The following LARGE1 variants were observed in gnomAD, a reference collection of about 807,000 sequenced individuals.
LARGE1 encodes the protein xylosyl- and glucuronyltransferase LARGE1.
In LARGE1, 43 loss-of-function variants were observed where a neutral mutation model predicts 87.6. That is an observed-to-expected ratio of 0.49 (90% CI 0.38 to 0.63). The LOEUF (loss-of-function observed/expected upper bound fraction) is 0.63. Among genes scored for constraint, LARGE1 ranks in the 30% least tolerant of loss-of-function variants. The probability of loss-of-function intolerance (pLI) is 0.00; values close to 1 mark genes in which losing one functional copy is unlikely to be tolerated. For synonymous variants in LARGE1, 434 were observed against 394.6 expected (o/e 1.10, Z -1.18); for missense variants, 802 against 1,000.2 (o/e 0.80, Z 2.67).
At chr22:33,765,182 T>G (rs1239433094) in intron 1 of LARGE1, among the ~76,000 whole-genome samples, 2 of 151,976 alleles carry the variant, frequency 1.3e-5, no homozygotes, top group African/African-American at 4.8e-5. Flanking sequence ...CTAGAGAGAT[T>G]AATTAACTGG....
chr22:33,461,516 TG>T (rs879695667), intron 6 of LARGE1, among the ~76,000 whole-genome samples: 57 of 151,112 alleles, frequency 3.8e-4, no homozygotes, highest in Non-Finnish European at 4.7e-4. Flanking sequence ...TGTCATGGGG[TG>T]GGGGAAGGAT....
intron 10 of LARGE1, among the ~76,000 whole-genome samples, chr22:33,328,624 A>G (rs1262293897): frequency 1.3e-5 from 2 of 151,240 alleles, no homozygotes; most frequent in African/African-American, 4.8e-5. Flanking sequence ...AAACAAATAA[A>G]TAATAAAAAA....
intron 4 of LARGE1, among the ~76,000 whole-genome samples, chr22:33,606,916 C>T (rs376158392): frequency 1.3e-5 from 2 of 152,144 alleles, no homozygotes; most frequent in African/African-American, 4.8e-5. Flanking sequence ...CCCAGCCATA[C>T]GTACCGGCCT....
intron 1 of LARGE1, among the ~76,000 whole-genome samples, chr22:33,763,848 T>C (rs2084812682): frequency 1.2e-5 from 1 of 81,198 alleles, no homozygotes; most frequent in Non-Finnish European, 2.7e-5. Flanking sequence ...CTTTTTTTTT[T>C]TTTTTTTTTT....
chr22:33,842,755 A>G (rs567392388), intron 1 of LARGE1, among the ~76,000 whole-genome samples: 10 of 152,284 alleles, frequency 6.6e-5, no homozygotes, highest in African/African-American at 2.2e-4. Context: ...AGACTAAGGA[A>G]CTGTATTTTT....
intron 13 of LARGE1, among the ~76,000 whole-genome samples, chr22:33,277,709 C>T (rs1929612692): frequency 6.6e-6 from 1 of 152,182 alleles, no homozygotes; most frequent in African/African-American, 2.4e-5. Context: ...GACTTCCGGC[C>T]TCCAGAATTG....
chr22:33,774,157 A>G (rs1044492176), intron 1 of LARGE1, among the ~76,000 whole-genome samples: 3 of 152,150 alleles, frequency 2.0e-5, no homozygotes, highest in African/African-American at 7.2e-5. Flanking sequence ...TGAAGGGACC[A>G]TATCCATTTT....
rs138913908 is a variant in LARGE1, at chr22:33,521,449, G to T, written c.787+43399C>A. ...CTCTCATCCTCCAACAGGCTAGCCC[G>T]GGTTTGTTCACAACAGGGCAGACAG... On this transcript the variant is annotated intron_variant, in intron 6 of 14. Coordinates refer to ENST00000397394, the MANE Select transcript of LARGE1 (RefSeq NM_133642.5). Among the ~76,000 whole-genome samples the T allele has an allele frequency of 5.9e-3, 898 of 152,322 alleles. 12 individuals are homozygous for T. Among genetic ancestry groups the T allele is most frequent in the African/African-American group, 0.021 (853 of 41,582 alleles).
intron 11 of LARGE1, among the ~76,000 whole-genome samples, chr22:33,230,168 C>T (rs571589931): frequency 1.1e-4 from 16 of 151,930 alleles, no homozygotes; most frequent in Admixed American, 2.6e-4. Flanking sequence ...TGCACCACCA[C>T]GCCCAGCTAA....
At chr22:33,738,761 T>A (rs182733115) in intron 2 of LARGE1, among the ~76,000 whole-genome samples, 1 of 149,318 alleles carries the variant, frequency 6.7e-6, no homozygotes, top group African/African-American at 2.5e-5. Context: ...CAGAGAGTGG[T>A]GTGAACCTAG....
intron 6 of LARGE1, among the ~76,000 whole-genome samples, chr22:33,435,039 C>T (rs943688322): frequency 1.4e-4 from 21 of 152,110 alleles, no homozygotes; most frequent in African/African-American, 3.9e-4. Context: ...CTTGCTCTGT[C>T]GCCCAGGCTG....
At chr22:33,102,633 G>T in the LARGE1 span, among the ~76,000 whole-genome samples, 1 of 152,140 alleles carries the variant, frequency 6.6e-6, no homozygotes, top group Non-Finnish European at 1.5e-5. Flanking sequence ...GGGATCACAG[G>T]TGCCTGCCAC....
intron 6 of LARGE1, among the ~76,000 whole-genome samples, chr22:33,477,471 C>T (rs528090157): frequency 1.3e-5 from 2 of 152,278 alleles, no homozygotes; most frequent in South Asian, 4.1e-4. Flanking sequence ...ATGTGTCAAT[C>T]TGTATTCCAA....
At chr22:33,719,830 A>G (rs2083039783) in intron 2 of LARGE1, among the ~76,000 whole-genome samples, 1 of 152,076 alleles carries the variant, frequency 6.6e-6, no homozygotes, top group Non-Finnish European at 1.5e-5. Flanking sequence ...CATCTATACC[A>G]TATTTTTACT....
Position 33,749,568 on chromosome 22 carries a change from A to G in LARGE1, c.106+11803T>C, listed in dbSNP as rs147051012. On this transcript the variant is annotated intron_variant, in intron 2 of 14. Coordinates refer to ENST00000397394, the MANE Select transcript of LARGE1 (RefSeq NM_133642.5). Reference sequence around the variant, plus strand: ...TCCCCCAACCATCAACATTTGCCCTATAAAAAGTCCTTCTGTAATTTTCAA... The same window carrying G: ...TCCCCCAACCATCAACATTTGCCCTGTAAAAAGTCCTTCTGTAATTTTCAA... 1.9e-3 allele frequency among the ~76,000 whole-genome samples: 286 copies of G among 152,322 alleles called. 1 individual carries two copies. The highest frequency in any genetic ancestry group is 6.7e-3 in the African/African-American group (277 of 41,588).
intron 9 of LARGE1, among the ~76,000 whole-genome samples, chr22:33,374,838 A>G (rs1267079261): frequency 6.6e-6 from 1 of 152,188 alleles, no homozygotes; most frequent in Non-Finnish European, 1.5e-5. Context: ...CACAAAAATA[A>G]CTAAATTTCC....
chr22:33,273,232 A>G lies in LARGE1; in HGVS notation c.*1195T>C. On this transcript the variant is annotated 3_prime_UTR_variant, in exon 15 of 15. Transcript: ENST00000397394. ...TATTGAAGATTAAAGAAAATGGGTAAAAAGTCCAGTGTCTCCTCAATCTGT... is the reference window on the plus strand; with the variant it reads ...TATTGAAGATTAAAGAAAATGGGTAGAAAGTCCAGTGTCTCCTCAATCTGT... 1 of 397,572 alleles carries G rather than the reference A, an allele frequency of 2.5e-6. No homozygotes were observed. The allele number at this position is 397,572 out of a possible 1,614,324, so 24.6% of individuals were successfully genotyped here. A position where few individuals can be genotyped will look rare whatever the true frequency, so the allele number is the denominator to read the frequency against.
chr22:33,891,434 A>G (rs1301986718), intron 1 of LARGE1, among the ~76,000 whole-genome samples: 1 of 78,196 alleles, frequency 1.3e-5, no homozygotes, highest in Non-Finnish European at 2.3e-5. Flanking sequence ...GCTATGTGCT[A>G]GCCATAAAAA....
Position 33,419,669 on chromosome 22 carries a change from T to G in LARGE1, c.892+12492A>C, listed in dbSNP as rs1483484953. 6.5e-5 allele frequency among the ~76,000 whole-genome samples: 3 copies of G among 46,026 alleles called. No individual in the cohort carries two copies. The East Asian group carries it at 9.6e-4, about 15-fold the overall frequency. The allele number at this position is 46,026 out of a possible 152,430, so 30.2% of individuals were successfully genotyped here. ...GTATTTGTGGCCAGATGAATCTTTG[T>G]TTTTGTTGTTGTTGTTGTTGTTTTT... On this transcript the variant is annotated intron_variant, in intron 7 of 14. Coordinates refer to ENST00000397394, the MANE Select transcript of LARGE1 (RefSeq NM_133642.5).
Sources: gnomAD v4.1 joint callset for allele counts (sites outside exome capture counted in the v4.1 genomes callset) on GRCh38, gnomAD v4.1.1 for gene constraint, MANE v1.5 for transcripts, NCBI Gene and HGNC (gene_info 2026-07-23, HGNC 2026-07-21) for gene names.